ITPR2: variants seen among roughly 807,000 people sequenced by gnomAD.
ITPR2 encodes inositol 1,4,5-trisphosphate-gated calcium channel ITPR2.
ITPR2 carries 207 observed loss-of-function variants against 317.1 expected under a neutral mutation model. That is an observed-to-expected ratio of 0.65 (90% CI 0.58 to 0.73). ITPR2 has a LOEUF of 0.73. Ranked by LOEUF, ITPR2 falls within the 30% of genes least tolerant of loss-of-function variation. The pLI, the probability that ITPR2 is intolerant of heterozygous loss-of-function variation, is 0.00. For synonymous variants in ITPR2, 1,156 were observed against 1,149.1 expected (o/e 1.01, Z -0.12); for missense variants, 2,613 against 3,284.0 (o/e 0.80, Z 4.99).
intron 2 of ITPR2, among the ~76,000 whole-genome samples, chr12:26,758,055 G>A (rs944891019): frequency 1.3e-5 from 2 of 152,020 alleles, no homozygotes; most frequent in South Asian, 2.1e-4. Flanking sequence ...ATTACTAATC[G>A]AGGTGAGAAC....
chr12:26,589,948 C>T (rs1945658398), intron 32 of ITPR2, among the ~76,000 whole-genome samples: 1 of 150,124 alleles, frequency 6.7e-6, no homozygotes, highest in Non-Finnish European at 1.5e-5. Context: ...GCCTGAAGTA[C>T]TGGGTTCCAT....
At chr12:26,462,672 T>TC (rs35388696) in intron 45 of ITPR2, among the ~76,000 whole-genome samples, 76,181 of 141,218 alleles carry the variant, frequency 0.54, 23,796 homozygotes, top group Non-Finnish European at 0.7. Flanking sequence ...AAGCTTTCTT[T>TC]CTTTTTTTTT....
At chr12:26,409,760 C>A (rs909418802) in intron 52 of ITPR2, among the ~76,000 whole-genome samples, 1 of 152,144 alleles carries the variant, frequency 6.6e-6, no homozygotes, top group Non-Finnish European at 1.5e-5. Flanking sequence ...GAATCAGGAT[C>A]CATACGGACA....
intron 55 of ITPR2, among the ~76,000 whole-genome samples, chr12:26,361,720 C>T (rs1938836851): frequency 6.6e-6 from 1 of 152,166 alleles, no homozygotes; most frequent in Admixed American, 6.5e-5. Context: ...TAACAATTTT[C>T]CAAAGGAACA....
At chr12:26,588,533 T>C (rs1488171463) in intron 32 of ITPR2, among the ~76,000 whole-genome samples, 1 of 152,236 alleles carries the variant, frequency 6.6e-6, no homozygotes, top group Non-Finnish European at 1.5e-5. Context: ...ATTATTTTTT[T>C]AAATTGACTT....
At chr12:26,591,577 C>T (rs1413233132) in intron 32 of ITPR2, among the ~76,000 whole-genome samples, 2 of 152,080 alleles carry the variant, frequency 1.3e-5, no homozygotes, top group African/African-American at 4.8e-5. Context: ...CGCCTGTAAT[C>T]CCAGTACTTT....
chr12:26,773,391 GGGAA>G (rs1949905450), intron 2 of ITPR2, among the ~76,000 whole-genome samples: 1 of 152,130 alleles, frequency 6.6e-6, no homozygotes, highest in Non-Finnish European at 1.5e-5. Context: ...TATACACCAT[GGGAA>G]GGAAGATTTT....
At chr12:26,746,197 C>CAA (rs1407500745) in intron 2 of ITPR2, among the ~76,000 whole-genome samples, 10 of 151,778 alleles carry the variant, frequency 6.6e-5, no homozygotes, top group Admixed American at 1.3e-4. Flanking sequence ...CTACAACACA[C>CAA]ACACACACAC....
intron 52 of ITPR2, among the ~76,000 whole-genome samples, chr12:26,406,028 G>A (rs1940338158): frequency 6.6e-6 from 1 of 152,026 alleles, no homozygotes; most frequent in South Asian, 2.1e-4. Flanking sequence ...TCAATTCATT[G>A]GTGGAAATGC....
At chr12:26,754,013 A>T (rs1409671415) in intron 2 of ITPR2, among the ~76,000 whole-genome samples, 3 of 152,052 alleles carry the variant, frequency 2.0e-5, no homozygotes, top group Non-Finnish European at 4.4e-5. Flanking sequence ...ATTTATATGT[A>T]TTGTGTGTGT....
chr12:26,730,749 C>T (rs937569624), intron 2 of ITPR2, among the ~76,000 whole-genome samples: 19 of 152,132 alleles, frequency 1.2e-4, no homozygotes, highest in Admixed American at 1.2e-3. Context: ...CAGAAGTGTT[C>T]ATTTTAAACT....
Position 26,537,093 on chromosome 12 carries a change from T to C in ITPR2, c.5073+13154A>G, listed in dbSNP as rs541895038. ...GACCGCTTAGAGAAGAGGACAAGGA[T>C]AGAGGAGAGCTTGCTGAGTGGCAGT... is the stretch of plus-strand genomic sequence containing the variant. On this transcript the variant is annotated intron_variant, in intron 37 of 56. Coordinates refer to ENST00000381340, the MANE Select transcript of ITPR2 (RefSeq NM_002223.4). 2.6e-4 allele frequency among the ~76,000 whole-genome samples: 40 copies of C among 151,956 alleles called. No homozygotes were observed. In the South Asian group the frequency reaches 4.8e-3, roughly 18 times the overall value.
Position 26,630,952 on chromosome 12 carries a change from A to G in ITPR2, c.2934+914T>C, listed in dbSNP as rs757448619. Among the ~76,000 whole-genome samples, 7 of 152,198 alleles carry G rather than the reference A, an allele frequency of 4.6e-5. No homozygotes were observed. The South Asian group carries it at 1.5e-3, about 32-fold the overall frequency. On this transcript the variant is annotated intron_variant, in intron 22 of 56. Transcript: ENST00000381340. ...GGCCTGCCAATATTTCTCAGGATTC[A>G]GCCTTTGGAATTCCTAGAGGAACTG...
intron 9 of ITPR2, among the ~76,000 whole-genome samples, chr12:26,696,318 T>G (rs1207433125): frequency 6.6e-6 from 1 of 152,192 alleles, no homozygotes; most frequent in Admixed American, 6.5e-5. Context: ...TCTGAAATAG[T>G]TGATCACTCG....
chr12:26,528,650 T>C (rs1264200613), intron 37 of ITPR2, among the ~76,000 whole-genome samples: 1 of 152,234 alleles, frequency 6.6e-6, no homozygotes, highest in Non-Finnish European at 1.5e-5. Flanking sequence ...TTTTCCCTTT[T>C]GATATTGCTG....
intron 54 of ITPR2, among the ~76,000 whole-genome samples, chr12:26,397,983 G>A (rs1272136696): frequency 6.6e-6 from 1 of 151,740 alleles, no homozygotes; most frequent in Admixed American, 6.6e-5. Flanking sequence ...TGAGGGGGAT[G>A]ATGAGGGCAA....
At chr12:26,468,079 G>A (rs1259741825) in intron 45 of ITPR2, among the ~76,000 whole-genome samples, 1 of 152,170 alleles carries the variant, frequency 6.6e-6, no homozygotes, top group East Asian at 1.9e-4. Context: ...GTAAAAGTAA[G>A]TATGTGGTTC....
At chr12:26,443,840 A>G (rs1333179810) in intron 45 of ITPR2, among the ~76,000 whole-genome samples, 190 bp from the exon 46 acceptor site, 1 of 152,170 alleles carries the variant, frequency 6.6e-6, no homozygotes, top group Non-Finnish European at 1.5e-5. Flanking sequence ...TCAGCCATTA[A>G]TATTTGTTGA....
chr12:26,593,217 A>G (rs919047411), intron 32 of ITPR2, among the ~76,000 whole-genome samples: 2 of 152,216 alleles, frequency 1.3e-5, no homozygotes, highest in Non-Finnish European at 2.9e-5. Flanking sequence ...CCACTTAGGA[A>G]TTTGTTAAAA....
Sources: gnomAD v4.1 joint callset for allele counts (sites outside exome capture counted in the v4.1 genomes callset) on GRCh38, gnomAD v4.1.1 for gene constraint, MANE v1.5 for transcripts, NCBI Gene and HGNC (gene_info 2026-07-23, HGNC 2026-07-21) for gene names.